Variants in NHSL2 observed in about 807,000 individuals in gnomAD.
NHSL2 encodes the protein NHS-like protein 2.
In NHSL2, 27 loss-of-function variants were observed where a neutral mutation model predicts 53.4. The ratio of observed to expected loss-of-function variants is 0.51; its 90% confidence interval spans 0.37 to 0.70. The LOEUF (loss-of-function observed/expected upper bound fraction) is 0.70. Ranked by LOEUF, NHSL2 falls within the 30% of genes least tolerant of loss-of-function variation. The pLI is 0.00. For synonymous variants in NHSL2, 408 were observed against 404.1 expected (o/e 1.01, Z -0.12); for missense variants, 892 against 980.1 (o/e 0.91, Z 1.20).
rs774577858 is a variant in NHSL2 at position 72,092,455 on chromosome X, G to A, written c.281-39624G>A. Among the ~76,000 whole-genome samples, 300 of 111,849 alleles carry A rather than the reference G, an allele frequency of 2.7e-3. 5 individuals are homozygous for A. Among genetic ancestry groups the A allele is most frequent in the Middle Eastern group, 9.2e-3 (2 of 218 alleles). Reference sequence around the variant, plus strand: ...TTCTGGAACATTCTTATCAGCCTGAGTGCTCAGTGCAAAGCACCTCACGGG... The same window carrying A: ...TTCTGGAACATTCTTATCAGCCTGAATGCTCAGTGCAAAGCACCTCACGGG... On this transcript the variant is annotated intron_variant, in intron 1 of 7. Coordinates refer to ENST00000633930, the MANE Select transcript of NHSL2 (RefSeq NM_001013627.3).
chrX:72,065,448 G>T (rs1359495400), intron 1 of NHSL2, among the ~76,000 whole-genome samples: 1 of 112,123 alleles, frequency 8.9e-6, no homozygotes, highest in Non-Finnish European at 1.9e-5. Context: ...AGAACTGAAG[G>T]TATTGAGAGG....
rs1443146316 is a variant in NHSL2, at chrX:72,144,712, A to G, written c.*1138A>G. On this transcript the variant is annotated 3_prime_UTR_variant, in exon 8 of 8. Transcript: ENST00000633930. ...TTGCTATGGCCCATAATGCACACACACACACACACACACACACACACACAC... is the reference window on the plus strand; with the variant it reads ...TTGCTATGGCCCATAATGCACACACGCACACACACACACACACACACACAC... 2.8e-5 allele frequency: 2 copies of G among 70,970 alleles called. No homozygotes were observed. The highest frequency in any genetic ancestry group is 9.3e-3 in the East Asian group (1 of 107). 5.8% of individuals were successfully genotyped at this position (70,970 alleles called of 1,213,427 possible).
chrX:72,060,837 G>A (rs1182667265), intron 1 of NHSL2, among the ~76,000 whole-genome samples: 1 of 112,772 alleles, frequency 8.9e-6, no homozygotes, highest in South Asian at 3.6e-4. Context: ...GCTAGGCTTT[G>A]CTAACAAAGT....
chrX:72,038,725 A>G (rs1310856873), intron 1 of NHSL2, among the ~76,000 whole-genome samples: 1 of 112,522 alleles, frequency 8.9e-6, no homozygotes, highest in Non-Finnish European at 1.9e-5. Flanking sequence ...TGGCCAAGCA[A>G]TAGAGATTAG....
Position 72,139,071 on chromosome X carries a change from C to A in NHSL2, c.1523C>A (p.Thr508Lys), listed in dbSNP as rs1031712406. Residue 508 changes from threonine to lysine, a missense_variant, in exon 6 of 8, where the codon ACA becomes AAA. Coordinates refer to ENST00000633930, the MANE Select transcript of NHSL2 (RefSeq NM_001013627.3). ...SLSVPTDSGT[T>K]DVDYDEEQKA... The stretch of plus-strand genomic sequence containing the variant: ...TCTGTGCCCACAGACTCAGGCACCA[C>A]AGATGTGGACTATGATGAGGAGCAG... 2.6e-6 allele frequency: 3 copies of A among 1,168,962 alleles called. No individual in the cohort carries two copies. The highest frequency in any genetic ancestry group is 3.2e-5 in the East Asian group (1 of 30,873).
intron 1 of NHSL2, among the ~76,000 whole-genome samples, chrX:71,984,260 G>GTTA (rs2041993400): frequency 8.9e-6 from 1 of 111,967 alleles, no homozygotes; most frequent in South Asian, 3.8e-4. Context: ...CTGACAAAAG[G>GTTA]TGATATCTTG....
At chrX:72,069,137 G>A (rs911317989) in intron 1 of NHSL2, among the ~76,000 whole-genome samples, 2 of 112,183 alleles carry the variant, frequency 1.8e-5, no homozygotes, top group Non-Finnish European at 3.8e-5. Flanking sequence ...TTGGCCCCGC[G>A]CTCCTGCAAG....
intron 1 of NHSL2, among the ~76,000 whole-genome samples, chrX:72,066,690 TG>T (rs1173940397): frequency 8.9e-6 from 1 of 112,273 alleles, no homozygotes; most frequent in Non-Finnish European, 1.9e-5. Context: ...TGAGCATGGG[TG>T]TAGGCCCAGT....
chrX:72,106,755 C>T (rs1238751300), intron 1 of NHSL2, among the ~76,000 whole-genome samples: 1 of 112,018 alleles, frequency 8.9e-6, no homozygotes, highest in Non-Finnish European at 1.9e-5. Context: ...AAATGTGGCA[C>T]ATACACACTA....
chrX:72,086,847 G>A (rs757059532), intron 1 of NHSL2, among the ~76,000 whole-genome samples: 5 of 111,748 alleles, frequency 4.5e-5, no homozygotes, highest in East Asian at 5.6e-4. Flanking sequence ...AAAAAGATAC[G>A]AGAGTTAAAC....
intron 1 of NHSL2, among the ~76,000 whole-genome samples, chrX:72,066,139 G>C (rs1277642728): frequency 9.0e-6 from 1 of 111,590 alleles, no homozygotes; most frequent in African/African-American, 3.3e-5. Flanking sequence ...CATTGAAGGG[G>C]TCTGGGGAAG....
chrX:71,979,243 C>A (rs1361322589), intron 1 of NHSL2, among the ~76,000 whole-genome samples: 1 of 110,679 alleles, frequency 9.0e-6, no homozygotes, highest in East Asian at 2.8e-4. Flanking sequence ...GTGTTTATAG[C>A]AGCATGATTT....
chrX:71,973,226 T>C (rs1354570166), intron 1 of NHSL2, among the ~76,000 whole-genome samples: 1 of 112,405 alleles, frequency 8.9e-6, no homozygotes, highest in African/African-American at 3.2e-5. Context: ...TGATTGCTCC[T>C]GAAGTAGGTG....
intron 1 of NHSL2, among the ~76,000 whole-genome samples, chrX:71,963,991 A>ATGTGTG (rs1569467059): frequency 1.7e-5 from 1 of 60,594 alleles, no homozygotes; most frequent in African/African-American, 7.1e-5. Context: ...ATATATATAT[A>ATGTGTG]TGTATATACA....
chrX:72,091,357 G>A (rs2041896889), intron 1 of NHSL2, among the ~76,000 whole-genome samples: 1 of 111,712 alleles, frequency 9.0e-6, no homozygotes, highest in Non-Finnish European at 1.9e-5. Flanking sequence ...AGGAGGCTGA[G>A]GCAGGAGAAT....
intron 1 of NHSL2, among the ~76,000 whole-genome samples, chrX:71,922,686 A>G (rs2041665841): frequency 8.9e-6 from 1 of 111,954 alleles, no homozygotes; most frequent in African/African-American, 3.3e-5. Context: ...TCTTCAGAGG[A>G]ATCTGTTTAA....
At chrX:72,075,028 A>G (rs1438344968) in intron 1 of NHSL2, among the ~76,000 whole-genome samples, 2 of 112,393 alleles carry the variant, frequency 1.8e-5, no homozygotes, top group Non-Finnish European at 3.8e-5. Context: ...AGACCAAATC[A>G]TATCATTTCC....
chrX:71,941,812 C>G (rs1462158111), intron 1 of NHSL2, among the ~76,000 whole-genome samples: 1 of 112,065 alleles, frequency 8.9e-6, no homozygotes, highest in Non-Finnish European at 1.9e-5. Context: ...TTCACACCAG[C>G]TCTTTACCAT....
Position 72,086,299 on chromosome X carries a change from G to A in NHSL2, c.281-45780G>A, listed in dbSNP as rs774362945. Among the ~76,000 whole-genome samples, 3 of 109,640 alleles carry A rather than the reference G, an allele frequency of 2.7e-5. No homozygotes were observed. In the East Asian group the frequency reaches 8.4e-4, roughly 31 times the overall value. On this transcript the variant is annotated intron_variant, in intron 1 of 7. Coordinates refer to ENST00000633930, the MANE Select transcript of NHSL2 (RefSeq NM_001013627.3). ...TTGCTGGCCTCGTTGGTTAAACAAG[G>A]GGGCCCTCATTTCTCATACTTCCTT...
Sources: allele counts gnomAD v4.1 joint callset (sites outside exome capture counted in the v4.1 genomes callset), GRCh38; gene constraint gnomAD v4.1.1; transcripts MANE v1.5; gene names NCBI Gene and HGNC (gene_info 2026-07-23, HGNC 2026-07-21).